Variants in CUX2 observed in about 807,000 individuals in gnomAD.
CUX2 encodes homeobox protein cut-like 2.
Under a neutral mutation model 144.8 loss-of-function variants are expected in CUX2, and 40 were observed. The ratio of observed to expected loss-of-function variants is 0.28; its 90% confidence interval spans 0.21 to 0.36. The LOEUF (loss-of-function observed/expected upper bound fraction) is 0.36, where lower values mean the gene tolerates loss of function less well. CUX2 is among the 10% of genes least tolerant of loss of function. CUX2 has a pLI of 1.00. For synonymous variants in CUX2, 827 were observed against 875.6 expected, an observed-to-expected ratio of 0.94 and a Z score of 0.98; for missense variants, 1,615 against 1,994.0, an observed-to-expected ratio of 0.81 and a Z score of 3.62.
intron 3 of CUX2, among the ~76,000 whole-genome samples, chr12:111,223,879 G>C (rs1164110749): frequency 6.6e-6 from 1 of 152,142 alleles, no homozygotes; most frequent in African/African-American, 2.4e-5. Context: ...TCAAATGTCA[G>C]GTCCTGGGGG....
chr12:111,274,337 T>G (rs925360214), intron 4 of CUX2, among the ~76,000 whole-genome samples: 10 of 152,146 alleles, frequency 6.6e-5, no homozygotes, highest in African/African-American at 2.2e-4. Flanking sequence ...TGAGCAGCTG[T>G]TTCCTCCTTT....
Position 111,277,107 on chromosome 12 carries a change from C to T in CUX2, c.301+13268C>T, listed in dbSNP as rs1477936553. On this transcript the variant is annotated intron_variant, in intron 4 of 21. Transcript: ENST00000261726. The surrounding 1 kb of genome is among the most constrained non-coding windows in gnomAD (Gnocchi z 5.0). ...CTACCCAACCTTGTGGATGTGGGGG[C>T]CCCATCTGCCCCAGGATGAATGGTT... Among the ~76,000 whole-genome samples the T allele has an allele frequency of 6.6e-6, 1 of 152,080 alleles. No individual in the cohort carries two copies. Among genetic ancestry groups the T allele is most frequent in the Non-Finnish European group, 1.5e-5 (1 of 68,004 alleles).
At chr12:111,215,613 A>C (rs1057381331) in intron 2 of CUX2, among the ~76,000 whole-genome samples, 2 of 152,226 alleles carry the variant, frequency 1.3e-5, no homozygotes, top group African/African-American at 4.8e-5. Flanking sequence ...CCAAGAAGGC[A>C]TCAGTGATGC....
chr12:111,251,401 GAGA>G (rs1273169405), intron 3 of CUX2, among the ~76,000 whole-genome samples: 2 of 152,170 alleles, frequency 1.3e-5, no homozygotes, highest in Non-Finnish European at 2.9e-5. Flanking sequence ...GAGCGGAGGT[GAGA>G]AGTTAGAACT....
intron 1 of CUX2, among the ~76,000 whole-genome samples, chr12:111,095,268 G>A (rs971281959): frequency 1.3e-5 from 2 of 152,116 alleles, no homozygotes; most frequent in Non-Finnish European, 2.9e-5. Flanking sequence ...AGGCCAGCCT[G>A]GGCAACATGG....
In CUX2 at chr12:111,143,911, G is replaced by A. The variant is rs1876496329; in HGVS notation, c.64-70289G>A. ...GCCCAAAACCTCTTTGTGTTTCCTT[G>A]GTGCCTGCTTGACATCACTAGCAGA... is the stretch of plus-strand genomic sequence containing the variant. On this transcript the variant is annotated intron_variant, in intron 1 of 21. Transcript: ENST00000261726. Among the ~76,000 whole-genome samples, 3 of 152,228 alleles carry A rather than the reference G, an allele frequency of 2.0e-5. No individual in the cohort carries two copies. In the South Asian group the frequency reaches 6.2e-4, roughly 32 times the overall value.
At chr12:111,247,492 C>T (rs530353436) in intron 3 of CUX2, among the ~76,000 whole-genome samples, 7 of 152,240 alleles carry the variant, frequency 4.6e-5, no homozygotes, top group Non-Finnish European at 7.3e-5. Flanking sequence ...GCCGCTGCCA[C>T]TTGGGATCCC....
At position 111,217,944 on chromosome 12, in the gene CUX2, C is replaced by T. The variant is rs754764523; in HGVS notation, c.222+7C>T. Reference sequence around the variant, plus strand: ...AAAAAGCTTCCAAGCCGAGGTAAGACCCAGGGCCCACAGCATGTCAGAAAA... The same window carrying T: ...AAAAAGCTTCCAAGCCGAGGTAAGATCCAGGGCCCACAGCATGTCAGAAAA... On this transcript the variant is annotated splice_region_variant and intron_variant, in intron 3 of 21. Coordinates refer to ENST00000261726, the MANE Select transcript of CUX2 (RefSeq NM_015267.4). 2.5e-6 allele frequency: 4 copies of T among 1,613,870 alleles called. No individual in the cohort carries two copies. Among genetic ancestry groups the T allele is most frequent in the Non-Finnish European group, 3.4e-6 (4 of 1,180,006 alleles).
At chr12:111,210,063 C>T (rs1462051710) in intron 1 of CUX2, among the ~76,000 whole-genome samples, 1 of 152,058 alleles carries the variant, frequency 6.6e-6, no homozygotes, top group Non-Finnish European at 1.5e-5. Flanking sequence ...GCTGGTGGGG[C>T]CAGCAGGGGC....
Position 111,246,177 on chromosome 12 carries a change from C to T in CUX2, c.223-17584C>T, listed in dbSNP as rs1883271639. On this transcript the variant is annotated intron_variant, in intron 3 of 21. Coordinates refer to ENST00000261726, the MANE Select transcript of CUX2 (RefSeq NM_015267.4). The surrounding 1 kb of genome is among the most constrained non-coding windows in gnomAD (Gnocchi z 4.0). ...CTCATCTGGAAAGTAGAAATGATAA[C>T]CGCACCTGCCACTGGTGTGACACAG... 6.6e-6 allele frequency among the ~76,000 whole-genome samples: 1 copy of T among 152,172 alleles called. No homozygotes were observed. The highest frequency in any genetic ancestry group is 2.1e-4 in the South Asian group (1 of 4,832).
At chr12:111,237,633 C>G (rs1227918526) in intron 3 of CUX2, among the ~76,000 whole-genome samples, 2 of 152,206 alleles carry the variant, frequency 1.3e-5, no homozygotes, top group Non-Finnish European at 2.9e-5. Flanking sequence ...TGGCACGCCT[C>G]CCTGTTTAAA....
chr12:111,325,417 T>C (rs1187540916), intron 18 of CUX2, among the ~76,000 whole-genome samples: 1 of 152,160 alleles, frequency 6.6e-6, no homozygotes, highest in African/African-American at 2.4e-5. Context: ...AAAGGGACTG[T>C]TTATCATTTC....
intron 9 of CUX2, among the ~76,000 whole-genome samples, chr12:111,299,449 TA>T (rs1326631206): frequency 6.6e-6 from 1 of 152,028 alleles, no homozygotes; most frequent in Non-Finnish European, 1.5e-5. Context: ...GAGACTTGGA[TA>T]AAAGGGCTGA....
At chr12:111,280,279 ACT>A (rs1180962659) in intron 4 of CUX2, among the ~76,000 whole-genome samples, 3 of 152,172 alleles carry the variant, frequency 2.0e-5, no homozygotes, top group Non-Finnish European at 2.9e-5. Context: ...ACAGAGCAAG[ACT>A]CTGTCTCAAA....
At chr12:111,094,227 T>G (rs1872695554) in intron 1 of CUX2, among the ~76,000 whole-genome samples, 1 of 152,196 alleles carries the variant, frequency 6.6e-6, no homozygotes, top group Non-Finnish European at 1.5e-5. Flanking sequence ...GCCATTCCCG[T>G]GGCAGAATCG....
chr12:111,348,505 G>A lies in CUX2; in HGVS notation c.*180G>A, dbSNP rs1350143448. 1.5e-6 allele frequency: 1 copy of A among 650,488 alleles called. No individual in the cohort carries two copies. The highest frequency in any genetic ancestry group is 2.8e-5 in the East Asian group (1 of 35,438). 40.3% of individuals were successfully genotyped at this position (650,488 alleles called of 1,614,324 possible). A position where few individuals can be genotyped will look rare whatever the true frequency, so the allele number is the denominator to read the frequency against. The stretch of plus-strand genomic sequence containing the variant: ...TCTATGAAGCTGTGTGAGCAGGTGG[G>A]TCAAATGCCATTGCCTCCACTTTTC... On this transcript the variant is annotated 3_prime_UTR_variant, in exon 22 of 22. Coordinates refer to ENST00000261726, the MANE Select transcript of CUX2 (RefSeq NM_015267.4).
At chr12:111,247,545 G>A (rs896383840) in intron 3 of CUX2, among the ~76,000 whole-genome samples, 1 of 152,230 alleles carries the variant, frequency 6.6e-6, no homozygotes, top group African/African-American at 2.4e-5. Context: ...ACAGGGCTGA[G>A]AGAGCACAGG....
chr12:111,191,519 C>T (rs1308349568), intron 1 of CUX2, among the ~76,000 whole-genome samples: 2 of 151,988 alleles, frequency 1.3e-5, no homozygotes, highest in Non-Finnish European at 2.9e-5. Flanking sequence ...TTAGCAGAGA[C>T]GGGGTTTCAC....
intron 1 of CUX2, among the ~76,000 whole-genome samples, chr12:111,085,082 G>A (rs1872132126): frequency 6.6e-6 from 1 of 152,086 alleles, no homozygotes; most frequent in African/African-American, 2.4e-5. Flanking sequence ...TGGGGAGACA[G>A]GTGGCAAAGA....
Sources: gnomAD v4.1 joint callset for allele counts (sites outside exome capture counted in the v4.1 genomes callset) on GRCh38, gnomAD v4.1.1 for gene constraint, Gnocchi (gnomAD v3.1) non-coding constraint, MANE v1.5 for transcripts, NCBI Gene and HGNC (gene_info 2026-07-23, HGNC 2026-07-21) for gene names.